Variants in ARHGAP15 observed in about 807,000 individuals in gnomAD.
ARHGAP15 encodes the protein rho GTPase-activating protein 15.
A neutral mutation model predicts 63.7 loss-of-function variants in ARHGAP15; 51 were observed. The ratio of observed to expected loss-of-function variants is 0.80; its 90% CI spans 0.64 to 1.01. ARHGAP15 has a LOEUF of 1.01. Among genes scored for constraint, ARHGAP15 ranks in the 50% least tolerant of loss-of-function variants. ARHGAP15 has a pLI of 0.00. For synonymous variants in ARHGAP15, 191 were observed against 193.8 expected (o/e 0.99, Z 0.12); for missense variants, 560 against 564.6 (o/e 0.99, Z 0.08).
At chr2:143,172,502 A>G (rs971136910) in intron 2 of ARHGAP15, among the ~76,000 whole-genome samples, 4 of 152,148 alleles carry the variant, frequency 2.6e-5, no homozygotes, top group African/African-American at 9.6e-5. Flanking sequence ...CCTATTCTCT[A>G]TTCAATAAAT....
chr2:143,505,947 A>C (rs577908123), intron 9 of ARHGAP15, among the ~76,000 whole-genome samples: 5 of 152,324 alleles, frequency 3.3e-5, no homozygotes, highest in African/African-American at 1.2e-4. Context: ...GAACACCCTT[A>C]AGACCCAAAT....
chr2:143,673,876 G>T lies in ARHGAP15; in HGVS notation c.1139-29543G>T, dbSNP rs565288737. ...TCCTTCAGAAAGAAGATACACAAAT[G>T]ATCGATGAACACATGAAAAGTTTCT... On this transcript the variant is annotated intron_variant, in intron 12 of 13. Transcript: ENST00000295095. 2.0e-4 allele frequency among the ~76,000 whole-genome samples: 29 copies of T among 148,478 alleles called. No homozygotes were observed. The East Asian group carries it at 5.4e-3, about 28-fold the overall frequency.
At chr2:143,148,110 T>C (rs1689662627) in intron 1 of ARHGAP15, among the ~76,000 whole-genome samples, 1 of 152,006 alleles carries the variant, frequency 6.6e-6, no homozygotes, top group Non-Finnish European at 1.5e-5. Flanking sequence ...CAACACTGTA[T>C]CATCTTGTGT....
At chr2:143,555,405 G>T (rs1695742185) in intron 10 of ARHGAP15, among the ~76,000 whole-genome samples, 1 of 152,170 alleles carries the variant, frequency 6.6e-6, no homozygotes, top group Non-Finnish European at 1.5e-5. Context: ...CTCTGCATCT[G>T]CTGGCAATCT....
chr2:143,321,492 G>A (rs1163124886), intron 6 of ARHGAP15, among the ~76,000 whole-genome samples: 4 of 152,172 alleles, frequency 2.6e-5, no homozygotes, highest in Admixed American at 6.5e-5. Context: ...GGTAACTTCC[G>A]GGGGAAAGTC....
chr2:143,415,168 C>G (rs1300110615), intron 6 of ARHGAP15, among the ~76,000 whole-genome samples: 1 of 151,672 alleles, frequency 6.6e-6, no homozygotes, highest in Non-Finnish European at 1.5e-5. Flanking sequence ...AACTAAGACA[C>G]AATAAAGAAG....
chr2:143,147,798 G>A (rs77853964), intron 1 of ARHGAP15, among the ~76,000 whole-genome samples: 1,647 of 151,950 alleles, frequency 0.011, 33 homozygotes, highest in African/African-American at 0.037. Context: ...TATTTTTTCC[G>A]TATCACAGGG....
At chr2:143,344,597 G>A (rs899756405) in intron 6 of ARHGAP15, among the ~76,000 whole-genome samples, 9 of 151,974 alleles carry the variant, frequency 5.9e-5, no homozygotes, top group Non-Finnish European at 1.3e-4. Context: ...TGAAAACTTC[G>A]GCATAAATTA....
intron 8 of ARHGAP15, among the ~76,000 whole-genome samples, chr2:143,446,547 T>G (rs1354792846): frequency 6.6e-6 from 1 of 152,158 alleles, no homozygotes; most frequent in Non-Finnish European, 1.5e-5. Context: ...GAATAAATGC[T>G]TGGTTTTGTC....
At chr2:143,504,486 T>G (rs1319421762) in intron 9 of ARHGAP15, among the ~76,000 whole-genome samples, 1 of 152,226 alleles carries the variant, frequency 6.6e-6, no homozygotes. Flanking sequence ...AAATTGGTAC[T>G]TGTTATCTAC....
intron 6 of ARHGAP15, among the ~76,000 whole-genome samples, chr2:143,365,630 C>G (rs148882688): frequency 1.3e-5 from 2 of 152,344 alleles, no homozygotes; most frequent in African/African-American, 4.8e-5. Context: ...CAAGAAATTA[C>G]AGAGCCTGGA....
chr2:143,568,108 G>A (rs545808533), intron 11 of ARHGAP15, among the ~76,000 whole-genome samples: 2 of 151,670 alleles, frequency 1.3e-5, no homozygotes, highest in African/African-American at 2.4e-5. Flanking sequence ...ACATAGGCAT[G>A]GGCAAGGACT....
At chr2:143,501,423 T>C (rs570891055) in intron 9 of ARHGAP15, among the ~76,000 whole-genome samples, 2 of 152,220 alleles carry the variant, frequency 1.3e-5, no homozygotes, top group African/African-American at 2.4e-5. Context: ...ACTCAATGCC[T>C]TTTAAGAAAT....
chr2:143,560,494 A>T (rs936271489), intron 11 of ARHGAP15, among the ~76,000 whole-genome samples: 1 of 152,208 alleles, frequency 6.6e-6, no homozygotes, highest in African/African-American at 2.4e-5. Flanking sequence ...TAGATCCCAG[A>T]TCTGTCTGAC....
Position 143,495,147 on chromosome 2 carries a change from CTTT to C in ARHGAP15, c.826+7656_826+7658del, listed in dbSNP as rs376150955. ...CATCCCACAACTGTTTTCTCCCTTT[CTTT>C]TTTGTTTCTTCCTTTCTTCTTTCCT... On this transcript the variant is annotated intron_variant, in intron 9 of 13. Coordinates refer to ENST00000295095, the MANE Select transcript of ARHGAP15 (RefSeq NM_018460.4). 6.5e-3 allele frequency among the ~76,000 whole-genome samples: 983 copies of C among 152,252 alleles called. 3 individuals carry two copies. Among genetic ancestry groups the C allele is most frequent in the South Asian group, 0.014 (69 of 4,830 alleles).
chr2:143,149,555 T>C (rs893171180), intron 1 of ARHGAP15, among the ~76,000 whole-genome samples: 2 of 152,004 alleles, frequency 1.3e-5, no homozygotes, highest in African/African-American at 4.8e-5. Context: ...GAGAAGAAGA[T>C]ACAGGGCTTT....
At chr2:143,726,828 T>C (rs1473799834) in intron 13 of ARHGAP15, among the ~76,000 whole-genome samples, 1 of 152,220 alleles carries the variant, frequency 6.6e-6, no homozygotes, top group African/African-American at 2.4e-5. Context: ...ATGTCACTAT[T>C]TTTTTCCTGC....
intron 1 of ARHGAP15, among the ~76,000 whole-genome samples, chr2:143,146,561 T>C (rs1217287374): frequency 1.3e-5 from 2 of 151,974 alleles, no homozygotes; most frequent in Admixed American, 1.3e-4. Context: ...ATTACAAGAA[T>C]GTGTTCAGTT....
intron 2 of ARHGAP15, among the ~76,000 whole-genome samples, chr2:143,194,840 G>A (rs943280258): frequency 2.0e-5 from 3 of 152,146 alleles, no homozygotes; most frequent in Non-Finnish European, 2.9e-5. Context: ...AGGTCATGAC[G>A]CAGTTTGATT....
Sources: gnomAD v4.1 joint callset for allele counts (sites outside exome capture counted in the v4.1 genomes callset) on GRCh38, gnomAD v4.1.1 for gene constraint, MANE v1.5 for transcripts, NCBI Gene and HGNC (gene_info 2026-07-23, HGNC 2026-07-21) for gene names.